The following TMC1 variants were observed in gnomAD, a reference collection of about 807,000 sequenced individuals.
TMC1 encodes the protein transmembrane channel like 1.
Under a neutral mutation model 105.8 loss-of-function variants are expected in TMC1, and 84 were observed. The observed-to-expected ratio is 0.79, with a 90% CI of 0.67 to 0.95. TMC1 has a LOEUF of 0.95. Ranked by LOEUF, TMC1 falls within the 40% of genes least tolerant of loss-of-function variation. The probability of loss-of-function intolerance (pLI) is 0.00; values close to 1 mark genes in which losing one functional copy is unlikely to be tolerated. For synonymous variants in TMC1, 315 were observed against 311.5 expected, an observed-to-expected ratio of 1.01 and a Z score of -0.12; for missense variants, 817 against 914.1, an observed-to-expected ratio of 0.89 and a Z score of 1.37.
At chr9:72,692,172 C>A (rs1427609591) in intron 6 of TMC1, among the ~76,000 whole-genome samples, 3 of 152,168 alleles carry the variant, frequency 2.0e-5, no homozygotes, top group African/African-American at 7.2e-5. Flanking sequence ...GGTTCCTAAC[C>A]AGAGGTCTTT....
chr9:72,699,983 C>G (rs552392239), intron 7 of TMC1, among the ~76,000 whole-genome samples: 1 of 129,628 alleles, frequency 7.7e-6, no homozygotes, highest in Non-Finnish European at 1.6e-5. Flanking sequence ...AAAAAAAAGC[C>G]CGGCTTATGC....
At chr9:72,746,262 A>T (rs888755339) in intron 10 of TMC1, among the ~76,000 whole-genome samples, 11 of 152,200 alleles carry the variant, frequency 7.2e-5, no homozygotes, top group Non-Finnish European at 1.3e-4. Context: ...AATCCTCAGA[A>T]TAAGCCTGAC....
At chr9:72,832,762 G>A (rs1435959868) in intron 23 of TMC1, among the ~76,000 whole-genome samples, 3 of 152,016 alleles carry the variant, frequency 2.0e-5, no homozygotes, top group African/African-American at 4.8e-5. Flanking sequence ...TTACAGTGAT[G>A]TACAGTTATC....
intron 5 of TMC1, among the ~76,000 whole-genome samples, chr9:72,680,574 T>C (rs1826270068): frequency 6.6e-6 from 1 of 152,162 alleles, no homozygotes. Context: ...GCTATTACTA[T>C]TTTGTCAGGA....
chr9:72,523,710 G>A (rs1038307010), intron 1 of TMC1, among the ~76,000 whole-genome samples: 4 of 152,030 alleles, frequency 2.6e-5, no homozygotes, highest in Admixed American at 6.6e-5. Flanking sequence ...AGGGGAGGCA[G>A]GAAAGGCAGG....
intron 12 of TMC1, among the ~76,000 whole-genome samples, chr9:72,758,779 C>G (rs1018120753): frequency 6.6e-6 from 1 of 152,130 alleles, no homozygotes; most frequent in Non-Finnish European, 1.5e-5. Flanking sequence ...ATCTAAATTT[C>G]TACTTACATT....
At chr9:72,670,696 A>G (rs893628899) in intron 5 of TMC1, among the ~76,000 whole-genome samples, 3 of 152,196 alleles carry the variant, frequency 2.0e-5, no homozygotes, top group Non-Finnish European at 4.4e-5. Context: ...AAATCACGAC[A>G]CAGAAGAAAT....
At chr9:72,691,490 G>A (rs1004400198) in intron 6 of TMC1, among the ~76,000 whole-genome samples, 4 of 152,190 alleles carry the variant, frequency 2.6e-5, no homozygotes, top group African/African-American at 9.7e-5. Context: ...CAATGAGGCA[G>A]GCCAGAGATT....
At chr9:72,573,645 A>AT (rs1407432017) in intron 1 of TMC1, among the ~76,000 whole-genome samples, 1 of 152,230 alleles carries the variant, frequency 6.6e-6, no homozygotes, top group East Asian at 1.9e-4. Flanking sequence ...TATATGGTTT[A>AT]TAATGATTCT....
At chr9:72,528,605 G>GGTAA (rs1185168851) in intron 1 of TMC1, among the ~76,000 whole-genome samples, 2 of 152,000 alleles carry the variant, frequency 1.3e-5, no homozygotes, top group African/African-American at 4.8e-5. Context: ...AAGTGCTAGG[G>GGTAA]TTACAGATGT....
chr9:72,575,369 C>T (rs771671665), intron 1 of TMC1, among the ~76,000 whole-genome samples: 7 of 152,092 alleles, frequency 4.6e-5, no homozygotes, highest in Admixed American at 2.6e-4. Flanking sequence ...TTAGTACTGA[C>T]GGGGTTTCAC....
At chr9:72,566,820 C>T (rs1824164391) in intron 1 of TMC1, among the ~76,000 whole-genome samples, 1 of 152,186 alleles carries the variant, frequency 6.6e-6, no homozygotes, top group Non-Finnish European at 1.5e-5. Flanking sequence ...AGGCCTTCTC[C>T]CCGCTTTCCT....
At chr9:72,621,140 AC>A (rs1319095642) in intron 3 of TMC1, among the ~76,000 whole-genome samples, 1 of 152,254 alleles carries the variant, frequency 6.6e-6, no homozygotes, top group African/African-American at 2.4e-5. Context: ...CTCTTGAGAT[AC>A]AATACAATCT....
chr9:72,603,859 T>A lies in TMC1; in HGVS notation c.-305-12509T>A, dbSNP rs575429011. ...CACTGCGACCGGCTGTTTTTTTTTT[T>A]TTTTTTTTTTTTTTTTTCTTTTTTG... On this transcript the variant is annotated intron_variant, in intron 2 of 23. Coordinates refer to ENST00000297784, the MANE Select transcript of TMC1 (RefSeq NM_138691.3). Among the ~76,000 whole-genome samples the A allele has an allele frequency of 2.9e-4, 41 of 140,470 alleles. 1 individual carries two copies. Among genetic ancestry groups the A allele is most frequent in the African/African-American group, 1.0e-3 (38 of 36,314 alleles). 92.2% of individuals were successfully genotyped at this position (140,470 alleles called of 152,430 possible).
intron 19 of TMC1, among the ~76,000 whole-genome samples, chr9:72,818,337 T>C (rs565003218): frequency 6.6e-6 from 1 of 152,378 alleles, no homozygotes; most frequent in African/African-American, 2.4e-5. Context: ...AAATCCATTT[T>C]GCTATGATTT....
At chr9:72,525,854 G>A (rs1197129361) in intron 1 of TMC1, among the ~76,000 whole-genome samples, 1 of 152,164 alleles carries the variant, frequency 6.6e-6, no homozygotes, top group Non-Finnish European at 1.5e-5. Flanking sequence ...CGGGCGTGGT[G>A]GCACACACCT....
chr9:72,785,831 A>G (rs987972562), intron 13 of TMC1, among the ~76,000 whole-genome samples: 7 of 152,218 alleles, frequency 4.6e-5, no homozygotes, highest in Non-Finnish European at 8.8e-5. Context: ...CCATGAATTG[A>G]TCACAAGTAA....
intron 8 of TMC1, among the ~76,000 whole-genome samples, chr9:72,719,222 T>C (rs1188545422): frequency 6.6e-6 from 1 of 152,166 alleles, no homozygotes; most frequent in African/African-American, 2.4e-5. Flanking sequence ...TCACATTTGG[T>C]TGGAATCGTT....
chr9:72,583,592 A>T (rs143179629), intron 2 of TMC1, among the ~76,000 whole-genome samples: 9 of 152,332 alleles, frequency 5.9e-5, no homozygotes, highest in Non-Finnish European at 1.0e-4. Context: ...GTGCCAGGAA[A>T]ATTTTGCTTC....
Sources: gnomAD v4.1 joint callset for allele counts (sites outside exome capture counted in the v4.1 genomes callset) on GRCh38, gnomAD v4.1.1 for gene constraint, MANE v1.5 for transcripts, NCBI Gene and HGNC (gene_info 2026-07-23, HGNC 2026-07-21) for gene names.